Variants in PAMR1 observed in about 807,000 individuals in gnomAD.
PAMR1 encodes peptidase domain containing associated with muscle regeneration 1, also known as inactive serine protease PAMR1.
Under a neutral mutation model 81.8 loss-of-function variants are expected in PAMR1, and 88 were observed. The ratio of observed to expected loss-of-function variants is 1.08; its 90% confidence interval spans 0.91 to 1.28. The LOEUF is 1.28. PAMR1 is among the 50% of genes most tolerant of loss of function. The probability of loss-of-function intolerance (pLI) is 0.00; values close to 1 mark genes in which losing one functional copy is unlikely to be tolerated. For synonymous variants in PAMR1, 336 were observed against 345.3 expected (o/e 0.97, Z 0.30); for missense variants, 935 against 919.7 (o/e 1.02, Z -0.21).
At position 35,460,884 on chromosome 11, in the gene PAMR1, C is replaced by T. The variant is rs148763904; in HGVS notation, c.820+7117G>A. On this transcript the variant is annotated intron_variant, in intron 6 of 10. Coordinates refer to ENST00000619888, the MANE Select transcript of PAMR1 (RefSeq NM_001001991.3). ...TTCTAGTTCTAGATCCCTGAGGAAT[C>T]GCCACACTCTTCCACAATGGTTGAA... 1.7e-4 allele frequency among the ~76,000 whole-genome samples: 26 copies of T among 152,248 alleles called. No individual in the cohort carries two copies. In the South Asian group the frequency reaches 2.1e-3, roughly 12 times the overall value.
intron 3 of PAMR1, among the ~76,000 whole-genome samples, chr11:35,485,218 C>T (rs1422175192): frequency 6.6e-6 from 1 of 151,600 alleles, no homozygotes; most frequent in Non-Finnish European, 1.5e-5. Flanking sequence ...ATCTAAGCAT[C>T]AAAAGAAAAA....
chr11:35,465,348 C>T (rs1856737343), intron 6 of PAMR1, among the ~76,000 whole-genome samples: 2 of 152,102 alleles, frequency 1.3e-5, no homozygotes, highest in African/African-American at 4.8e-5. Context: ...CTAATTTGGG[C>T]ACTTCAGAGT....
chr11:35,504,870 G>A (rs1850921196), intron 1 of PAMR1, among the ~76,000 whole-genome samples: 1 of 150,332 alleles, frequency 6.7e-6, no homozygotes, highest in African/African-American at 2.4e-5. Context: ...ATTTATTTCT[G>A]CTCTAATCTT....
chr11:35,466,583 C>T (rs539683243), intron 6 of PAMR1, among the ~76,000 whole-genome samples: 10 of 151,746 alleles, frequency 6.6e-5, no homozygotes, highest in Non-Finnish European at 1.5e-4. Flanking sequence ...AAAAATTAGC[C>T]GGGTGTGGTG....
chr11:35,447,202 C>CTTTT (rs35773880), intron 6 of PAMR1, among the ~76,000 whole-genome samples: 21 of 123,304 alleles, frequency 1.7e-4, no homozygotes, highest in East Asian at 4.7e-4. Flanking sequence ...TCCTCCATCC[C>CTTTT]TTTTTTTTTT....
In PAMR1 at chr11:35,468,027, C is replaced by G; in HGVS notation, c.794G>C (p.Gly265Ala). Residue 265 changes from glycine to alanine, a missense_variant, in exon 6 of 11, where the codon GGC (glycine) becomes GCC (alanine). By Grantham distance (60) the Gly-to-Ala change is moderately conservative. Transcript: ENST00000619888. ...AGSYKCACLA[G>A]YTGQRCENLL... ...ATTTTCACAGCGCTGCCCAGTATAG[C>G]CTGCCAAGCAGGCACACTTGTAAGA... is the stretch of plus-strand genomic sequence containing the variant. 1.3e-6 allele frequency: 2 copies of G among 1,561,934 alleles called. No individual in the cohort carries two copies. The highest frequency in any genetic ancestry group is 2.4e-5 in the South Asian group (2 of 84,894).
intron 9 of PAMR1, among the ~76,000 whole-genome samples, chr11:35,435,153 T>A (rs943119656): frequency 1.3e-5 from 2 of 152,116 alleles, no homozygotes; most frequent in African/African-American, 4.8e-5. Flanking sequence ...TTGAGGAGAT[T>A]AAATGAGATG....
At chr11:35,489,605 C>A (rs574191002) in intron 3 of PAMR1, among the ~76,000 whole-genome samples, 9 of 152,214 alleles carry the variant, frequency 5.9e-5, no homozygotes, top group Non-Finnish European at 1.3e-4. Context: ...GAACACTATG[C>A]CCTTCATAGT....
intron 1 of PAMR1, among the ~76,000 whole-genome samples, chr11:35,512,865 C>A (rs555577801): frequency 1.3e-5 from 2 of 152,246 alleles, no homozygotes; most frequent in South Asian, 4.1e-4. Flanking sequence ...GTGCCATGTG[C>A]CTGTAGTCCC....
intron 1 of PAMR1, among the ~76,000 whole-genome samples, chr11:35,520,646 C>T (rs1006744125): frequency 6.6e-6 from 1 of 152,140 alleles, no homozygotes; most frequent in Non-Finnish European, 1.5e-5. Flanking sequence ...AGGCTGGGCT[C>T]TTGTGACTTT....
intron 7 of PAMR1, among the ~76,000 whole-genome samples, chr11:35,440,334 G>A (rs1856139239): frequency 6.6e-6 from 1 of 152,152 alleles, no homozygotes; most frequent in Non-Finnish European, 1.5e-5. Context: ...GAGAAGACTG[G>A]ACAAAAATCT....
Position 35,470,803 on chromosome 11 carries a change from G to A in PAMR1, c.510C>T (p.Ser170=), listed in dbSNP as rs16927500. Residue 170 remains serine, a synonymous_variant, in exon 5 of 11, where the codon AGC becomes AGT. Coordinates refer to ENST00000619888, the MANE Select transcript of PAMR1 (RefSeq NM_001001991.3). The part of the protein sequence containing the change: ...FVIQLRFVML[S]LEFDYMCQYD... ...ACTGGCACATGTAGTCAAACTCCAGGCTCAACATGACAAATCTGTGGGTGG... is the reference window on the plus strand; with the variant it reads ...ACTGGCACATGTAGTCAAACTCCAGACTCAACATGACAAATCTGTGGGTGG... 0.034 allele frequency: 54,431 copies of A among 1,613,144 alleles called. 3,012 individuals are homozygous for A. The highest frequency in any genetic ancestry group is 0.24 in the African/African-American group (18,243 of 74,828).
At chr11:35,471,542 C>T (rs139821469) in intron 4 of PAMR1, among the ~76,000 whole-genome samples, 82 of 152,198 alleles carry the variant, frequency 5.4e-4, no homozygotes, top group African/African-American at 1.8e-3. Context: ...CACACTCTTC[C>T]GTTTGATGGA....
At chr11:35,515,340 G>C (rs1328841760) in intron 1 of PAMR1, among the ~76,000 whole-genome samples, 1 of 152,166 alleles carries the variant, frequency 6.6e-6, no homozygotes, top group African/African-American at 2.4e-5. Context: ...GTCCACCAAA[G>C]GCAGCTGGCC....
At chr11:35,471,739 C>T (rs1261984331) in intron 4 of PAMR1, among the ~76,000 whole-genome samples, 1 of 152,094 alleles carries the variant, frequency 6.6e-6, no homozygotes, top group Admixed American at 6.6e-5. Context: ...ATTAAGCCCC[C>T]GATTCCAAGA....
chr11:35,485,250 G>GA (rs1354786698), intron 3 of PAMR1, among the ~76,000 whole-genome samples: 1 of 151,980 alleles, frequency 6.6e-6, no homozygotes. Context: ...CTATGAAACA[G>GA]AAAAAAATTA....
chr11:35,522,366 C>A (rs1021291833), intron 1 of PAMR1, among the ~76,000 whole-genome samples: 3 of 152,188 alleles, frequency 2.0e-5, no homozygotes, highest in African/African-American at 7.2e-5. Flanking sequence ...TCCATCTTCT[C>A]CTGGGCCCTG....
chr11:35,503,523 A>AT (rs1850894227), intron 1 of PAMR1, among the ~76,000 whole-genome samples: 1 of 151,990 alleles, frequency 6.6e-6, no homozygotes. Flanking sequence ...ATATCTTTCC[A>AT]TTTTTTGTGA....
At chr11:35,457,384 T>C (rs1856558282) in intron 6 of PAMR1, among the ~76,000 whole-genome samples, 1 of 152,148 alleles carries the variant, frequency 6.6e-6, no homozygotes, top group Non-Finnish European at 1.5e-5. Context: ...CACTATTGGA[T>C]CTCCAGCCTT....
Sources: gnomAD v4.1 joint callset for allele counts (sites outside exome capture counted in the v4.1 genomes callset) on GRCh38, gnomAD v4.1.1 for gene constraint, MANE v1.5 for transcripts, NCBI Gene and HGNC (gene_info 2026-07-23, HGNC 2026-07-21) for gene names.